The following FGD4 variants were observed in gnomAD, a reference collection of about 807,000 sequenced individuals.
FGD4 encodes FYVE, RhoGEF and PH domain containing 4, also known as FYVE, RhoGEF and PH domain-containing protein 4.
A neutral mutation model predicts 102.0 loss-of-function variants in FGD4; 42 were observed. The observed-to-expected ratio is 0.41, with a 90% CI of 0.32 to 0.53. The LOEUF (loss-of-function observed/expected upper bound fraction) is 0.53, where lower values mean the gene tolerates loss of function less well. Among genes scored for constraint, FGD4 ranks in the 20% least tolerant of loss-of-function variants. FGD4 has a pLI of 0.21. For synonymous variants in FGD4, 380 were observed against 375.7 expected, an observed-to-expected ratio of 1.01 and a Z score of -0.13; for missense variants, 902 against 1,078.2, an observed-to-expected ratio of 0.84 and a Z score of 2.29.
intron 1 of FGD4, among the ~76,000 whole-genome samples, chr12:32,458,635 C>T (rs1943014415): frequency 6.6e-6 from 1 of 152,138 alleles, no homozygotes; most frequent in Non-Finnish European, 1.5e-5. Context: ...TCAAGTGCTC[C>T]ATCGCCCATA....
rs781129946 is a variant in FGD4 at position 32,601,274 on chromosome 12, T to G, written c.1102-4T>G. On this transcript the variant is annotated splice_region_variant and splice_polypyrimidine_tract_variant and intron_variant, in intron 5 of 16. Coordinates refer to ENST00000534526, the MANE Select transcript of FGD4 (RefSeq NM_001370298.3). ...AGTAATGCTTACATTATTCTTTTAT[T>G]CAGGTATTTTATTGCAAACTGTTGG... The G allele has an allele frequency of 1.2e-6, 2 of 1,613,732 alleles. No individual in the cohort carries two copies. The highest frequency in any genetic ancestry group is 1.7e-5 in the Admixed American group (1 of 59,970).
chr12:32,594,566 C>G (rs1947724390), intron 4 of FGD4, among the ~76,000 whole-genome samples: 1 of 152,124 alleles, frequency 6.6e-6, no homozygotes, highest in Non-Finnish European at 1.5e-5. Flanking sequence ...CTCTCCCCAC[C>G]CCAACCCAGT....
At chr12:32,444,021 CTTTTTT>C (rs67353121) in intron 1 of FGD4, among the ~76,000 whole-genome samples, 2 of 119,112 alleles carry the variant, frequency 1.7e-5, no homozygotes, top group Non-Finnish European at 3.7e-5. Context: ...ACTTTGTTTT[CTTTTTT>C]TTTTTTTTTT....
chr12:32,611,712 C>A (rs557459254), intron 10 of FGD4, among the ~76,000 whole-genome samples: 1 of 150,422 alleles, frequency 6.6e-6, no homozygotes, highest in Admixed American at 6.6e-5. Context: ...GGGAATATTC[C>A]ATTTAGGGAT....
In FGD4 at chr12:32,566,478, T is replaced by C. The variant is rs567868070; in HGVS notation, c.319+2189T>C. ...TCATCAGCTCAGTTTTTTCTGCCTATGTGTCCGCTCACATAGTACATAACC... is the reference window on the plus strand; with the variant it reads ...TCATCAGCTCAGTTTTTTCTGCCTACGTGTCCGCTCACATAGTACATAACC... On this transcript the variant is annotated intron_variant, in intron 2 of 16. Coordinates refer to ENST00000534526, the MANE Select transcript of FGD4 (RefSeq NM_001370298.3). Among the ~76,000 whole-genome samples, 19 of 152,316 alleles carry C rather than the reference T, an allele frequency of 1.2e-4. No homozygotes were observed. In the South Asian group the frequency reaches 3.5e-3, roughly 28 times the overall value.
intron 3 of FGD4, 89 bp from the exon 4 acceptor site, chr12:32,581,871 T>C: frequency 7.0e-7 from 1 of 1,438,748 alleles, no homozygotes; most frequent in Non-Finnish European, 9.6e-7. Flanking sequence ...AAGTAGCGAA[T>C]ATCCCTTTTC....
At chr12:32,437,085 G>T (rs529945485) in intron 1 of FGD4, among the ~76,000 whole-genome samples, 23 of 149,192 alleles carry the variant, frequency 1.5e-4, no homozygotes, top group Non-Finnish European at 2.8e-4. Flanking sequence ...CCCCAGTCTG[G>T]GTGACAGAGT....
rs115290055 is a variant in FGD4, at chr12:32,576,705, G to T, written c.503+256G>T. Among the ~76,000 whole-genome samples, 316 of 152,264 alleles carry T rather than the reference G, an allele frequency of 2.1e-3. 1 individual carries two copies. The highest frequency in any genetic ancestry group is 6.7e-3 in the African/African-American group (280 of 41,548). On this transcript the variant is annotated intron_variant, in intron 3 of 16. Transcript: ENST00000534526. ...CATGAAATTGTGTGCTTTGGTATCT[G>T]TGTGCTTTCTCTCGTTTCCTCTGTA... is the stretch of plus-strand genomic sequence containing the variant.
chr12:32,527,527 T>G (rs929489865), intron 1 of FGD4, among the ~76,000 whole-genome samples: 1 of 152,164 alleles, frequency 6.6e-6, no homozygotes, highest in Non-Finnish European at 1.5e-5. Context: ...CCTCCTGGGT[T>G]CAAGTGATTC....
rs1282194163 is a variant in FGD4, at chr12:32,445,598, G to T, written c.166+45639G>T. ...CATATTTATTGCATTTCATCAATGG[G>T]CCTCTGTGCATTGGCTATTTTGAAA... On this transcript the variant is annotated intron_variant, in intron 1 of 16. Transcript: ENST00000534526. Among the ~76,000 whole-genome samples the T allele has an allele frequency of 2.6e-5, 4 of 152,182 alleles. No homozygotes were observed. The East Asian group carries it at 7.7e-4, about 29-fold the overall frequency.
chr12:32,546,994 C>T (rs574446985), intron 1 of FGD4, among the ~76,000 whole-genome samples: 1 of 152,298 alleles, frequency 6.6e-6, no homozygotes, highest in South Asian at 2.1e-4. Context: ...TATTTTGAAG[C>T]TCCTAGCTGC....
chr12:32,639,588 C>T (rs2137085363), intron 16 of FGD4, among the ~76,000 whole-genome samples: 1 of 152,224 alleles, frequency 6.6e-6, no homozygotes, highest in Non-Finnish European at 1.5e-5. Context: ...TTTTTGAGAA[C>T]CCCACGTATA....
chr12:32,629,241 G>A (rs80135267), intron 14 of FGD4, among the ~76,000 whole-genome samples: 1,677 of 152,286 alleles, frequency 0.011, 23 homozygotes, highest in African/African-American at 0.036. Flanking sequence ...CAGGGAGTAA[G>A]TAGTCAGGAA....
At chr12:32,465,015 G>T (rs2136503978) in intron 1 of FGD4, among the ~76,000 whole-genome samples, 1 of 152,278 alleles carries the variant, frequency 6.6e-6, no homozygotes, top group East Asian at 1.9e-4. Context: ...ATTAAAGCCA[G>T]AGAAGAGTAG....
chr12:32,626,220 A>C (rs1434096805), intron 14 of FGD4, among the ~76,000 whole-genome samples: 2 of 152,120 alleles, frequency 1.3e-5, no homozygotes, highest in Non-Finnish European at 2.9e-5. Flanking sequence ...CGAGGCAGGC[A>C]GATCACCTGA....
rs150628983 is a variant in FGD4, at chr12:32,626,304, C to T, written c.2172+525C>T. Among the ~76,000 whole-genome samples, 1,143 of 152,142 alleles carry T rather than the reference C, an allele frequency of 7.5e-3. 13 individuals carry two copies. The highest frequency in any genetic ancestry group is 0.025 in the African/African-American group (1,044 of 41,518). On this transcript the variant is annotated intron_variant, in intron 14 of 16. Transcript: ENST00000534526. ...TACTAAAAATACAAAATTAGCCAGG[C>T]GTGGCGGCGCATGCCTGTAATCCCA... is the stretch of plus-strand genomic sequence containing the variant.
intron 14 of FGD4, among the ~76,000 whole-genome samples, chr12:32,626,287 A>C (rs1277422321): frequency 6.6e-6 from 1 of 152,172 alleles, no homozygotes. Context: ...TTTACTAAAA[A>C]TACAAAATTA....
intron 1 of FGD4, among the ~76,000 whole-genome samples, chr12:32,464,448 C>T (rs954259823): frequency 3.9e-5 from 6 of 152,108 alleles, no homozygotes; most frequent in Admixed American, 6.6e-5. Context: ...CCATTGCGCC[C>T]GGCCTAGTCA....
At chr12:32,444,021 CTT>C (rs67353121) in intron 1 of FGD4, among the ~76,000 whole-genome samples, 1,405 of 119,138 alleles carry the variant, frequency 0.012, 33 homozygotes, top group African/African-American at 0.039. Context: ...ACTTTGTTTT[CTT>C]TTTTTTTTTT....
Sources: gnomAD v4.1 joint callset for allele counts (sites outside exome capture counted in the v4.1 genomes callset) on GRCh38, gnomAD v4.1.1 for gene constraint, MANE v1.5 for transcripts, NCBI Gene and HGNC (gene_info 2026-07-23, HGNC 2026-07-21) for gene names.